The following HNRNPUL2 variants were observed in gnomAD, a reference collection of about 807,000 sequenced individuals.
HNRNPUL2 encodes the protein heterogeneous nuclear ribonucleoprotein U like 2, also known as heterogeneous nuclear ribonucleoprotein U-like protein 2.
HNRNPUL2 carries 27 observed loss-of-function variants against 102.2 expected under a neutral mutation model. The ratio of observed to expected loss-of-function variants is 0.26; its 90% CI spans 0.19 to 0.36. The LOEUF (loss-of-function observed/expected upper bound fraction) is 0.36, where lower values mean the gene tolerates loss of function less well. Among genes scored for constraint, HNRNPUL2 ranks in the 10% least tolerant of loss-of-function variants. HNRNPUL2 has a pLI of 1.00. For synonymous variants in HNRNPUL2, 458 were observed against 387.2 expected (o/e 1.18, Z -2.15); for missense variants, 936 against 981.1 (o/e 0.95, Z 0.61).
chr11:62,725,793 C>T (rs1019098744), intron 1 of HNRNPUL2, among the ~76,000 whole-genome samples: 3 of 152,126 alleles, frequency 2.0e-5, no homozygotes, highest in Non-Finnish European at 2.9e-5. Context: ...TCACTAACTC[C>T]CTGGGGCGAT....
Position 62,727,228 on chromosome 11 carries a change from G to GCGCAGGCGCCGC in HNRNPUL2, c.-73_-72insGCGGCGCCTGCG. 7.7e-7 allele frequency: 1 copy of GCGCAGGCGCCGC among 1,298,120 alleles called. No individual in the cohort carries two copies. The highest frequency in any genetic ancestry group is 9.7e-7 in the Non-Finnish European group (1 of 1,025,676). The allele number at this position is 1,298,120 out of a possible 1,614,324, so 80.4% of individuals were successfully genotyped here. On this transcript the variant is annotated 5_prime_UTR_variant, in exon 1 of 14. Transcript: ENST00000301785. ...CCGTCGACCGAGTCCGACCGCGCAGGCGCCGCCGCCGCCGCCCGCCTCCGC... is the reference window on the plus strand; with the variant it reads ...CCGTCGACCGAGTCCGACCGCGCAGGCGCAGGCGCCGCCGCCGCCGCCGCCGCCCGCCTCCGC...
intron 11 of HNRNPUL2, among the ~76,000 whole-genome samples, chr11:62,716,512 C>T (rs1236636460): frequency 2.0e-5 from 3 of 152,170 alleles, no homozygotes; most frequent in Non-Finnish European, 4.4e-5. Context: ...AAAATTAATT[C>T]TACTAATAGC....
In HNRNPUL2 at chr11:62,727,236, G is replaced by GCCGCCGC. The variant is rs1387586356; in HGVS notation, c.-87_-81dup. 1 of 1,302,354 alleles carries GCCGCCGC rather than the reference G, an allele frequency of 7.7e-7. No homozygotes were observed. The highest frequency in any genetic ancestry group is 9.7e-7 in the Non-Finnish European group (1 of 1,029,362). The allele number at this position is 1,302,354 out of a possible 1,614,324, so 80.7% of individuals were successfully genotyped here. A position where few individuals can be genotyped will look rare whatever the true frequency, so the allele number is the denominator to read the frequency against. ...CGAGTCCGACCGCGCAGGCGCCGCC[G>GCCGCCGC]CCGCCGCCCGCCTCCGCCTCACGCG... On this transcript the variant is annotated 5_prime_UTR_variant, in exon 1 of 14. Transcript: ENST00000301785.
chr11:62,717,115 G>GA lies in HNRNPUL2; in HGVS notation c.1854dup (p.Gln619SerfsTer6). 6.2e-7 allele frequency: 1 copy of GA among 1,614,148 alleles called. No homozygotes were observed. The highest frequency in any genetic ancestry group is 8.5e-7 in the Non-Finnish European group (1 of 1,180,020). On this transcript the variant is annotated frameshift_variant, in exon 11 of 14. Transcript: ENST00000301785. LOFTEE classifies it high-confidence loss of function. ...TCCTTGTACTTAGTGACAATGGGCT[G>GA]AGCTTCCTCCTTCTCCAGCTCCCCA...
At position 62,727,438 on chromosome 11, in the gene HNRNPUL2, A is replaced by T. The variant is rs1303772262; in HGVS notation, c.-282T>A. 1 of 302,502 alleles carries T rather than the reference A, an allele frequency of 3.3e-6. No homozygotes were observed. Among genetic ancestry groups the T allele is most frequent in the Non-Finnish European group, 5.9e-6 (1 of 170,596 alleles). 18.7% of individuals were successfully genotyped at this position (302,502 alleles called of 1,614,324 possible). A position where few individuals can be genotyped will look rare whatever the true frequency, so the allele number is the denominator to read the frequency against. ...GGCCCTTGGTTCCCCAGCCGCGGGC[A>T]GGCGCGCGCGGAGGACGACGGAGTT... On this transcript the variant is annotated 5_prime_UTR_variant, in exon 1 of 14. Coordinates refer to ENST00000301785, the MANE Select transcript of HNRNPUL2 (RefSeq NM_001079559.3).
intron 8 of HNRNPUL2, among the ~76,000 whole-genome samples, 192 bp downstream of exon 8, chr11:62,721,628 T>C (rs2083703720): frequency 6.6e-6 from 1 of 152,144 alleles, no homozygotes. Flanking sequence ...ATTTCAGATC[T>C]CATCTGCTTT....
intron 6 of HNRNPUL2, 71 bp downstream of exon 6, chr11:62,722,530 G>C: frequency 1.4e-6 from 2 of 1,437,352 alleles, no homozygotes; most frequent in Non-Finnish European, 2.0e-6. Flanking sequence ...CAGTTGATGG[G>C]AAGCACAAGT....
In HNRNPUL2 at chr11:62,716,855, T is replaced by A. The variant is rs993104761; in HGVS notation, c.1981+134A>T. On this transcript the variant is annotated intron_variant, in intron 11 of 13. Coordinates refer to ENST00000301785, the MANE Select transcript of HNRNPUL2 (RefSeq NM_001079559.3). ...CAGGGATAAAGAACACAGGAAGAAA[T>A]AAGCTCCATGAAGAAGGCACTTCCG... 18 of 748,114 alleles carry A rather than the reference T, an allele frequency of 2.4e-5. No individual in the cohort carries two copies. In the African/African-American group the frequency reaches 3.2e-4, roughly 13 times the overall value. 46.3% of individuals were successfully genotyped at this position (748,114 alleles called of 1,614,324 possible).
At chr11:62,723,266 CG>C in intron 4 of HNRNPUL2, among the ~76,000 whole-genome samples, 1 of 152,254 alleles carries the variant, frequency 6.6e-6, no homozygotes, top group East Asian at 1.9e-4. Flanking sequence ...CCAAGACGGG[CG>C]GATCACCTGA....
chr11:62,713,264 A>C lies in HNRNPUL2; in HGVS notation c.*2035T>G, dbSNP rs2083632976. On this transcript the variant is annotated 3_prime_UTR_variant, in exon 14 of 14. Coordinates refer to ENST00000301785, the MANE Select transcript of HNRNPUL2 (RefSeq NM_001079559.3). ...AAAGATGCTATTTGCAGGACTAAAC[A>C]TCTGAAAAGGGGTGGCAGCCACTGC... is the stretch of plus-strand genomic sequence containing the variant. The C allele has an allele frequency of 1.3e-5, 2 of 152,242 alleles. No homozygotes were observed. The highest frequency in any genetic ancestry group is 2.9e-5 in the Non-Finnish European group (2 of 68,042). The allele number at this position is 152,242 out of a possible 1,614,324, so 9.4% of individuals were successfully genotyped here. A position where few individuals can be genotyped will look rare whatever the true frequency, so the allele number is the denominator to read the frequency against.
rs776517991 is a variant in HNRNPUL2, at chr11:62,722,914, C to G, written c.892-11G>C. On this transcript the variant is annotated splice_polypyrimidine_tract_variant and intron_variant, in intron 4 of 13. Transcript: ENST00000301785. ...GAGATTCTGGGTTACCTGGCCAAGT[C>G]AGAAAGGGAACTATTAGATATTGTG... is the stretch of plus-strand genomic sequence containing the variant. The G allele has an allele frequency of 1.0e-4, 167 of 1,609,520 alleles. 2 individuals carry two copies. The highest frequency in any genetic ancestry group is 4.9e-4 in the Middle Eastern group (3 of 6,072).
Position 62,722,330 on chromosome 11 carries a change from G to A in HNRNPUL2, c.1146C>T (p.Asp382=), listed in dbSNP as rs772649707. 30 of 1,613,760 alleles carry A rather than the reference G, an allele frequency of 1.9e-5. No homozygotes were observed. The highest frequency in any genetic ancestry group is 2.3e-5 in the Non-Finnish European group (27 of 1,179,792). The change falls in exon 7 of 14, where the codon GAC becomes GAT. Residue 382 remains aspartate, a synonymous_variant. Transcript: ENST00000301785. ...VELSFSKNGE[D]LGVAFWISKD... ...TGCTGATCCAGAATGCCACACCTAG[G>A]TCTTCTCCATTCTTGGAGAAGGAAA...
In HNRNPUL2 at chr11:62,722,144, G is replaced by A; in HGVS notation, c.1332C>T (p.Val444=). 1 of 1,614,032 alleles carries A rather than the reference G, an allele frequency of 6.2e-7. No homozygotes were observed. The highest frequency in any genetic ancestry group is 8.5e-7 in the Non-Finnish European group (1 of 1,180,022). Residue 444 remains valine (V), a synonymous_variant, in exon 7 of 14, where the codon GTC becomes GTT. Transcript: ENST00000301785. ...VPVEERVRTA[V]PPKTIEECEV... ...CACATTCCTCTATGGTCTTGGGAGG[G>A]ACTGCAGTGCGTACACGCTCCTCAA...
rs1318223389 is a variant in HNRNPUL2 at position 62,726,827 on chromosome 11, C to T, written c.330G>A (p.Pro110=). The part of the protein sequence containing the change: ...AQALGQAAQP[P]PEPPEAAAME... ...TGGCTGCCGCCTCCGGGGGCTCCGG[C>T]GGCGGCTGCGCGGCCTGACCCAAGG... The change falls in exon 1 of 14, where the codon CCG becomes CCA. Residue 110 remains proline (P), a synonymous_variant. Coordinates refer to ENST00000301785, the MANE Select transcript of HNRNPUL2 (RefSeq NM_001079559.3). The T allele has an allele frequency of 1.3e-6, 2 of 1,590,574 alleles. No individual in the cohort carries two copies. The highest frequency in any genetic ancestry group is 1.7e-6 in the Non-Finnish European group (2 of 1,175,334).
chr11:62,716,015 T>C (rs2083657549), intron 11 of HNRNPUL2, 78 bp from the exon 12 acceptor site: 2 of 1,197,172 alleles, frequency 1.7e-6, no homozygotes, highest in Admixed American at 2.6e-5. Flanking sequence ...ATCAAAAACT[T>C]GGAGCCAAAG....
rs763381600 is a variant in HNRNPUL2, at chr11:62,713,303, A to G, written c.*1996T>C. On this transcript the variant is annotated 3_prime_UTR_variant, in exon 14 of 14. Coordinates refer to ENST00000301785, the MANE Select transcript of HNRNPUL2 (RefSeq NM_001079559.3). ...GGCAGCCACTGCCTCAGGAAATTCA[A>G]TTTTCTATTATAACATAATCTTGCC... 2.0e-5 allele frequency: 3 copies of G among 152,172 alleles called. No individual in the cohort carries two copies. Among genetic ancestry groups the G allele is most frequent in the Non-Finnish European group, 2.9e-5 (2 of 68,044 alleles). The allele number at this position is 152,172 out of a possible 1,614,324, so 9.4% of individuals were successfully genotyped here. A position where few individuals can be genotyped will look rare whatever the true frequency, so the allele number is the denominator to read the frequency against.
At chr11:62,721,568 G>T in intron 8 of HNRNPUL2, 145 bp from the exon 9 acceptor site, 1 of 877,150 alleles carries the variant, frequency 1.1e-6, no homozygotes, top group Non-Finnish European at 1.7e-6. Context: ...TGCTGTGAAT[G>T]TTGTCCATTT....
At position 62,726,853 on chromosome 11, in the gene HNRNPUL2, C is replaced by T. The variant is rs765519505; in HGVS notation, c.304G>A (p.Ala102Thr). ...GGCGGCTGCGCGGCCTGACCCAAGGCTTGAGCAGGGGGTGGCTCCTCGTCC... is the reference window on the plus strand; with the variant it reads ...GGCGGCTGCGCGGCCTGACCCAAGGTTTGAGCAGGGGGTGGCTCCTCGTCC... ...DEDEEPPPAQ[A>T]LGQAAQPPPE... is the part of the protein sequence containing the mutation. The change falls in exon 1 of 14, where the codon GCC (alanine) becomes ACC (threonine). Residue 102 changes from alanine to threonine, a missense_variant. Physicochemically the swap from Ala to Thr is moderately conservative, Grantham distance 58 (BLOSUM62 0). This residue lies in a region of HNRNPUL2 where 327 missense variants were observed against 268.1 expected (regional missense o/e 1.22). Coordinates refer to ENST00000301785, the MANE Select transcript of HNRNPUL2 (RefSeq NM_001079559.3). 3 of 1,587,020 alleles carry T rather than the reference C, an allele frequency of 1.9e-6. No individual in the cohort carries two copies. In the South Asian group the frequency reaches 3.4e-5, roughly 18 times the overall value.
intron 9 of HNRNPUL2, 65 bp from the exon 10 acceptor site, chr11:62,720,256 T>C (rs1363663543): frequency 6.5e-7 from 1 of 1,526,932 alleles, no homozygotes; most frequent in Non-Finnish European, 9.1e-7. Context: ...ACCAAAAGAA[T>C]CAGTATCAGC....
Sources: allele counts gnomAD v4.1 joint callset (sites outside exome capture counted in the v4.1 genomes callset), GRCh38; gene constraint gnomAD v4.1.1; regional missense constraint gnomAD v4.1.1; transcripts MANE v1.5; gene names NCBI Gene and HGNC (gene_info 2026-07-23, HGNC 2026-07-21).